The following PRKAR1A variants were observed in gnomAD, a reference collection of about 807,000 sequenced individuals.
PRKAR1A encodes protein kinase cAMP-dependent type I regulatory subunit alpha, also known as cAMP-dependent protein kinase type I-alpha regulatory subunit.
PRKAR1A carries 3 observed loss-of-function variants against 52.0 expected under a neutral mutation model. The ratio of observed to expected loss-of-function variants is 0.06; its 90% CI spans 0.03 to 0.15. PRKAR1A has a LOEUF of 0.15. PRKAR1A is among the 10% of genes least tolerant of loss of function. The pLI, the probability that PRKAR1A is intolerant of heterozygous loss-of-function variation, is 1.00. For synonymous variants in PRKAR1A, 188 were observed against 168.4 expected, an observed-to-expected ratio of 1.12 and a Z score of -0.90; for missense variants, 240 against 477.4, an observed-to-expected ratio of 0.50 and a Z score of 4.63.
At chr17:68,488,101 A>G in the PRKAR1A span, among the ~76,000 whole-genome samples, 4 of 152,092 alleles carry the variant, frequency 2.6e-5, no homozygotes, top group African/African-American at 9.7e-5. Flanking sequence ...GAAGATGGCC[A>G]GGTGGCTTTT....
chr17:68,480,010 T>G, the PRKAR1A span, among the ~76,000 whole-genome samples: 1 of 152,186 alleles, frequency 6.6e-6, no homozygotes, highest in East Asian at 1.9e-4. Context: ...AGGATTCAAT[T>G]ACCTCCCACC....
chr17:68,532,357 G>A lies in PRKAR1A; in HGVS notation c.*1908G>A, dbSNP rs1031637800. The A allele has an allele frequency of 5.7e-6, 6 of 1,055,804 alleles. No homozygotes were observed. Among genetic ancestry groups the A allele is most frequent in the African/African-American group, 1.6e-5 (1 of 60,786 alleles). 65.4% of individuals were successfully genotyped at this position (1,055,804 alleles called of 1,614,324 possible). A position where few individuals can be genotyped will look rare whatever the true frequency, so the allele number is the denominator to read the frequency against. ...ATCATGCTCATGTATATTTAGTTAC[G>A]TATAATGCTTTCTGAGTGAGTTTTA... On this transcript the variant is annotated 3_prime_UTR_variant, in exon 11 of 11. Coordinates refer to ENST00000589228, the MANE Select transcript of PRKAR1A (RefSeq NM_002734.5).
the PRKAR1A span, among the ~76,000 whole-genome samples, chr17:68,453,479 C>CTTT: frequency 2.2e-5 from 3 of 136,192 alleles, no homozygotes; most frequent in African/African-American, 5.5e-5. Flanking sequence ...TTTTCTTTTC[C>CTTT]TTTTTTTTTT....
intron 11 of PRKAR1A, among the ~76,000 whole-genome samples, chr17:68,543,333 C>T (rs776618120): frequency 6.6e-6 from 1 of 152,150 alleles, no homozygotes; most frequent in Non-Finnish European, 1.5e-5. Flanking sequence ...GGAGTGGGTG[C>T]ATTCTCCTCG....
the PRKAR1A span, among the ~76,000 whole-genome samples, chr17:68,499,259 G>A: frequency 6.6e-6 from 1 of 152,160 alleles, no homozygotes; most frequent in African/African-American, 2.4e-5. Context: ...ATCTTTGGGT[G>A]TTCTGCACAT....
At chr17:68,436,510 C>T in the PRKAR1A span, 1 of 1,603,764 alleles carries the variant, frequency 6.2e-7, no homozygotes, top group Non-Finnish European at 8.5e-7. Flanking sequence ...CATGAGAAGC[C>T]TGGGGCCAAG....
At chr17:68,529,105 C>A in intron 9 of PRKAR1A, 114 bp downstream of exon 9, 2 of 1,290,818 alleles carry the variant, frequency 1.5e-6, no homozygotes, top group Non-Finnish European at 2.2e-6. Context: ...TGAACTATAG[C>A]TTTAGTTTTT....
chr17:68,513,993 A>G (rs1210013656), intron 1 of PRKAR1A, among the ~76,000 whole-genome samples: 1 of 152,174 alleles, frequency 6.6e-6, no homozygotes, highest in African/African-American at 2.4e-5. Flanking sequence ...ACTGAAGTGG[A>G]TCTTCAGTTC....
chr17:68,481,270 G>C, the PRKAR1A span, among the ~76,000 whole-genome samples: 3 of 152,244 alleles, frequency 2.0e-5, no homozygotes, highest in African/African-American at 7.2e-5. Context: ...CCAAGGTAAA[G>C]TGGGATGGTT....
chr17:68,426,253 G>GGCCCCCCC, the PRKAR1A span: 1 of 841,018 alleles, frequency 1.2e-6, no homozygotes, highest in Non-Finnish European at 1.9e-6. Flanking sequence ...GGGGAGCGGG[G>GGCCCCCCC]GCTCAAATAA....
chr17:68,503,557 T>C, the PRKAR1A span, among the ~76,000 whole-genome samples: 1 of 152,210 alleles, frequency 6.6e-6, no homozygotes, highest in Non-Finnish European at 1.5e-5. Flanking sequence ...GAATCTTAAT[T>C]GCATGTTACT....
the PRKAR1A span, among the ~76,000 whole-genome samples, chr17:68,450,469 C>A: frequency 1.1e-4 from 16 of 152,164 alleles, no homozygotes; most frequent in African/African-American, 3.9e-4. Flanking sequence ...CCAATCTGTA[C>A]CCTAGGGAGA....
chr17:68,420,171 T>G, the PRKAR1A span: 1 of 1,612,306 alleles, frequency 6.2e-7, no homozygotes, highest in Non-Finnish European at 8.5e-7. Context: ...GAGGCATTTG[T>G]TGTCATTCCC....
Position 68,532,719 on chromosome 17 carries a change from C to T in PRKAR1A, c.*2270C>T. The T allele has an allele frequency of 9.4e-7, 1 of 1,066,148 alleles. No individual in the cohort carries two copies. The highest frequency in any genetic ancestry group is 1.1e-6 in the Non-Finnish European group (1 of 879,544). The allele number at this position is 1,066,148 out of a possible 1,614,324, so 66.0% of individuals were successfully genotyped here. A position where few individuals can be genotyped will look rare whatever the true frequency, so the allele number is the denominator to read the frequency against. ...ATATACTTTTTTTGTTATAGATTGTCTTAATGGTAGGTCAAGTAATAAAAA... is the reference window on the plus strand; with the variant it reads ...ATATACTTTTTTTGTTATAGATTGTTTTAATGGTAGGTCAAGTAATAAAAA... On this transcript the variant is annotated 3_prime_UTR_variant, in exon 11 of 11. Transcript: ENST00000589228.
chr17:68,504,887 A>G, the PRKAR1A span, among the ~76,000 whole-genome samples: 2 of 152,228 alleles, frequency 1.3e-5, no homozygotes, highest in East Asian at 1.9e-4. Flanking sequence ...CCCTGATGTG[A>G]TTATTACCCA....
chr17:68,462,546 C>T, the PRKAR1A span, among the ~76,000 whole-genome samples: 3 of 152,162 alleles, frequency 2.0e-5, no homozygotes, highest in Non-Finnish European at 2.9e-5. Flanking sequence ...TCTCATGTGA[C>T]GCTAACCACA....
chr17:68,497,804 A>G, the PRKAR1A span, among the ~76,000 whole-genome samples: 2 of 152,342 alleles, frequency 1.3e-5, no homozygotes, highest in East Asian at 3.9e-4. Context: ...TGCTCTAACC[A>G]TTAGGCTATG....
Position 68,531,770 on chromosome 17 carries a change from C to T in PRKAR1A, c.*1321C>T, listed in dbSNP as rs2085981751. The T allele has an allele frequency of 9.6e-7, 1 of 1,042,746 alleles. No homozygotes were observed. The allele number at this position is 1,042,746 out of a possible 1,614,324, so 64.6% of individuals were successfully genotyped here. Reference sequence around the variant, plus strand: ...GTCTTAACTGTATTTCAGTATTTTCCAGCCTTATGTGTTACATTATTCCAA... The same window carrying T: ...GTCTTAACTGTATTTCAGTATTTTCTAGCCTTATGTGTTACATTATTCCAA... On this transcript the variant is annotated 3_prime_UTR_variant, in exon 11 of 11. Coordinates refer to ENST00000589228, the MANE Select transcript of PRKAR1A (RefSeq NM_002734.5).
At chr17:68,467,433 GT>G in the PRKAR1A span, among the ~76,000 whole-genome samples, 5 of 152,066 alleles carry the variant, frequency 3.3e-5, no homozygotes, top group Non-Finnish European at 4.4e-5. Flanking sequence ...GTTATTTTCT[GT>G]TTTTTTGTTT....
Sources: allele counts gnomAD v4.1 joint callset (sites outside exome capture counted in the v4.1 genomes callset), GRCh38; gene constraint gnomAD v4.1.1; transcripts MANE v1.5; gene names NCBI Gene and HGNC (gene_info 2026-07-23, HGNC 2026-07-21).